The following CNTN4 variants were observed in gnomAD, a reference collection of about 807,000 sequenced individuals.
The protein encoded by CNTN4 is contactin 4.
A neutral mutation model predicts 122.5 loss-of-function variants in CNTN4; 77 were observed. The ratio of observed to expected loss-of-function variants is 0.63; its 90% confidence interval spans 0.52 to 0.76. CNTN4 has a LOEUF of 0.76. CNTN4 is among the 30% of genes least tolerant of loss of function. The pLI is 0.00. For missense variants in CNTN4, 1,256 were observed against 1,259.1 expected (o/e 1.00, Z 0.04); for synonymous variants, 512 against 447.0 (o/e 1.15, Z -1.83).
At chr3:2,175,523 A>C (rs542765546) in intron 2 of CNTN4, among the ~76,000 whole-genome samples, 213 of 152,328 alleles carry the variant, frequency 1.4e-3, no homozygotes, top group Non-Finnish European at 2.3e-3. Context: ...AACTCCATAC[A>C]AGAAAGCTGA....
Position 2,602,802 on chromosome 3 carries a change from A to C in CNTN4, c.55+31244A>C, listed in dbSNP as rs1350200161. Among the ~76,000 whole-genome samples the C allele has an allele frequency of 3.3e-5, 5 of 152,198 alleles. No individual in the cohort carries two copies. In the East Asian group the frequency reaches 9.6e-4, roughly 29 times the overall value. ...AATACATGAAGAAGCAGAGAAAACT[A>C]AAGTACAGGTTGTCTTCCTTAGCAA... On this transcript the variant is annotated intron_variant, in intron 4 of 24. Transcript: ENST00000418658.
In CNTN4 at chr3:2,164,249, A is replaced by G. The variant is rs578072337; in HGVS notation, c.-145+63610A>G. ...GCTTGAGGAAAAAAAAAACAACAACAAAGTATACCCTTTAGTAGAGATAGT... is the reference window on the plus strand; with the variant it reads ...GCTTGAGGAAAAAAAAAACAACAACGAAGTATACCCTTTAGTAGAGATAGT... On this transcript the variant is annotated intron_variant, in intron 2 of 24. Coordinates refer to ENST00000418658, the MANE Select transcript of CNTN4 (RefSeq NM_175607.3). Among the ~76,000 whole-genome samples, 3 of 152,280 alleles carry G rather than the reference A, an allele frequency of 2.0e-5. No individual in the cohort carries two copies. In the South Asian group the frequency reaches 6.2e-4, roughly 32 times the overall value.
At chr3:3,041,932 C>T (rs1190269096) in intron 20 of CNTN4, among the ~76,000 whole-genome samples, 1 of 152,144 alleles carries the variant, frequency 6.6e-6, no homozygotes, top group Non-Finnish European at 1.5e-5. Context: ...ACATTCCAGC[C>T]TAGGTGACAG....
chr3:2,112,994 C>T (rs989898089), intron 2 of CNTN4, among the ~76,000 whole-genome samples: 2 of 152,124 alleles, frequency 1.3e-5, no homozygotes, highest in Non-Finnish European at 2.9e-5. Flanking sequence ...TTCTGAGCAC[C>T]AGACCAAGTA....
intron 7 of CNTN4, among the ~76,000 whole-genome samples, chr3:2,830,905 C>A (rs2093090094): frequency 6.6e-6 from 1 of 152,100 alleles, no homozygotes; most frequent in African/African-American, 2.4e-5. Context: ...TAAGGAAATG[C>A]TGACTGAGTC....
At chr3:2,292,809 G>T (rs953529322) in intron 2 of CNTN4, among the ~76,000 whole-genome samples, 1 of 152,002 alleles carries the variant, frequency 6.6e-6, no homozygotes, top group South Asian at 2.1e-4. Flanking sequence ...CCATTCTTTT[G>T]TTGATGGACA....
Position 2,400,432 on chromosome 3 carries a change from T to TATAC in CNTN4, c.-89+61202_-89+61203insCATA, listed in dbSNP as rs1428464555. ...ATATATATATATATATATATACATA[T>TATAC]ATATATATATATATATATCTCTTTT... On this transcript the variant is annotated intron_variant, in intron 3 of 24. Transcript: ENST00000418658. 2.8e-4 allele frequency among the ~76,000 whole-genome samples: 29 copies of TATAC among 103,182 alleles called. No individual in the cohort carries two copies. The South Asian group carries it at 4.2e-3, about 15-fold the overall frequency. The allele number at this position is 103,182 out of a possible 152,430, so 67.7% of individuals were successfully genotyped here.
At chr3:3,029,270 C>T (rs1215586085) in intron 15 of CNTN4, among the ~76,000 whole-genome samples, 1 of 152,200 alleles carries the variant, frequency 6.6e-6, no homozygotes, top group Non-Finnish European at 1.5e-5. Context: ...TGGATCATGG[C>T]TGTCAGTAAT....
chr3:2,189,956 G>A (rs2037449749), intron 2 of CNTN4, among the ~76,000 whole-genome samples: 1 of 152,144 alleles, frequency 6.6e-6, no homozygotes, highest in South Asian at 2.1e-4. Flanking sequence ...GTGACACAAA[G>A]GCTTGGACCA....
intron 4 of CNTN4, among the ~76,000 whole-genome samples, chr3:2,712,578 T>TA (rs1315682816): frequency 6.6e-6 from 1 of 152,216 alleles, no homozygotes; most frequent in African/African-American, 2.4e-5. Context: ...TGTAATGTTG[T>TA]AAAATATATA....
At chr3:2,718,018 A>G (rs112335345) in intron 4 of CNTN4, among the ~76,000 whole-genome samples, 1,831 of 152,124 alleles carry the variant, frequency 0.012, 30 homozygotes, top group African/African-American at 0.041. Context: ...GAGTTGTTTT[A>G]TCATTATTGA....
chr3:2,225,239 G>A (rs1010628939), intron 2 of CNTN4, among the ~76,000 whole-genome samples: 3 of 149,590 alleles, frequency 2.0e-5, no homozygotes, highest in African/African-American at 7.4e-5. Context: ...GTCCTGCCAG[G>A]CGCATTGGCT....
At chr3:2,374,693 AATATTTATATTCC>A (rs2045753415) in intron 3 of CNTN4, among the ~76,000 whole-genome samples, 1 of 152,262 alleles carries the variant, frequency 6.6e-6, no homozygotes, top group South Asian at 2.1e-4. Flanking sequence ...GAAGCAATAA[AATATTTATATTCC>A]ATTCATTAAA....
intron 4 of CNTN4, among the ~76,000 whole-genome samples, chr3:2,614,072 A>G (rs965869078): frequency 6.6e-6 from 1 of 152,228 alleles, no homozygotes; most frequent in African/African-American, 2.4e-5. Flanking sequence ...AAAACAAAAA[A>G]TGTGAGATAC....
intron 6 of CNTN4, among the ~76,000 whole-genome samples, chr3:2,746,604 A>G (rs1051546148): frequency 1.3e-5 from 2 of 152,222 alleles, no homozygotes; most frequent in Non-Finnish European, 1.5e-5. Flanking sequence ...GGCATTAGCC[A>G]AAGGTTTCAT....
chr3:2,831,343 C>A (rs1179978567), intron 7 of CNTN4, among the ~76,000 whole-genome samples: 1 of 152,164 alleles, frequency 6.6e-6, no homozygotes, highest in Non-Finnish European at 1.5e-5. Context: ...TTCTCCATAT[C>A]CACTAATGAT....
intron 4 of CNTN4, among the ~76,000 whole-genome samples, chr3:2,691,951 T>A (rs2085762102): frequency 6.6e-6 from 1 of 152,218 alleles, no homozygotes; most frequent in Non-Finnish European, 1.5e-5. Flanking sequence ...ACCTACCTGC[T>A]AGGGACGGTG....
At chr3:2,506,963 A>G (rs766817369) in intron 3 of CNTN4, among the ~76,000 whole-genome samples, 4 of 152,114 alleles carry the variant, frequency 2.6e-5, no homozygotes, top group Non-Finnish European at 5.9e-5. Flanking sequence ...TCGGTTTTGC[A>G]TTGATAGACT....
At chr3:2,108,423 G>T (rs997098975) in intron 2 of CNTN4, among the ~76,000 whole-genome samples, 1 of 152,102 alleles carries the variant, frequency 6.6e-6, no homozygotes, top group East Asian at 1.9e-4. Flanking sequence ...AGGACAGGGG[G>T]GTTCCCAGGA....
Sources: allele counts gnomAD v4.1 joint callset (sites outside exome capture counted in the v4.1 genomes callset), GRCh38; gene constraint gnomAD v4.1.1; transcripts MANE v1.5; gene names NCBI Gene and HGNC (gene_info 2026-07-23, HGNC 2026-07-21).